FAT3: variants seen among roughly 807,000 people sequenced by gnomAD.
FAT3 encodes protocadherin Fat 3.
Under a neutral mutation model 310.2 loss-of-function variants are expected in FAT3, and 95 were observed. The observed-to-expected ratio is 0.31, with a 90% CI of 0.26 to 0.36. FAT3 has a LOEUF of 0.36. Among genes scored for constraint, FAT3 ranks in the 10% least tolerant of loss-of-function variants. The pLI is 1.00. For synonymous variants in FAT3, 2,314 were observed against 2,192.9 expected (o/e 1.06, Z -1.54); for missense variants, 5,408 against 5,715.6 (o/e 0.95, Z 1.74).
At chr11:92,580,409 T>A (rs1278598958) in intron 3 of FAT3, among the ~76,000 whole-genome samples, 1 of 152,040 alleles carries the variant, frequency 6.6e-6, no homozygotes, top group Non-Finnish European at 1.5e-5. Context: ...ATATTTAAGC[T>A]CCAATTCAGA....
At chr11:92,510,999 G>A (rs1462720971) in intron 2 of FAT3, among the ~76,000 whole-genome samples, 1 of 152,248 alleles carries the variant, frequency 6.6e-6, no homozygotes, top group Admixed American at 6.5e-5. Context: ...AGAGCGCCTT[G>A]CTGGCGCTTT....
chr11:92,785,988 A>G (rs1591729385), intron 7 of FAT3, among the ~76,000 whole-genome samples: 2 of 152,176 alleles, frequency 1.3e-5, no homozygotes, highest in East Asian at 3.8e-4. Flanking sequence ...AGATAAACCA[A>G]TGGAACAGAA....
At chr11:92,648,924 G>A (rs973945217) in intron 3 of FAT3, among the ~76,000 whole-genome samples, 5 of 152,156 alleles carry the variant, frequency 3.3e-5, no homozygotes, top group Non-Finnish European at 5.9e-5. Context: ...ACTTCCTCCA[G>A]AACTGAACAC....
At chr11:92,690,774 A>T (rs891259051) in intron 3 of FAT3, among the ~76,000 whole-genome samples, 3 of 152,204 alleles carry the variant, frequency 2.0e-5, no homozygotes, top group African/African-American at 7.2e-5. Flanking sequence ...CCTGATGTCC[A>T]TATGTAAATA....
chr11:92,774,157 G>A lies in FAT3; in HGVS notation c.4312G>A (p.Gly1438Arg). The A allele has an allele frequency of 6.2e-7, 1 of 1,611,906 alleles. No homozygotes were observed. Among genetic ancestry groups the A allele is most frequent in the South Asian group, 1.1e-5 (1 of 90,552 alleles). Residue 1438 changes from glycine to arginine, a missense_variant, in exon 7 of 28, where the codon GGG (glycine) becomes AGG (arginine). Transcript: ENST00000525166. ...IYNMSVEVTDGTNVAVTQVFI... is the reference protein window; with the variant it reads ...IYNMSVEVTDRTNVAVTQVFI... ...TAATATGAGTGTGGAAGTCACCGAT[G>A]GGACAAATGTTGCTGTTACTCAGGT...
Position 92,867,208 on chromosome 11 carries a change from G to A in FAT3, c.12126G>A (p.Gly4042=), listed in dbSNP as rs775132741. Residue 4042 remains glycine, a splice_region_variant and synonymous_variant, in exon 22 of 28, where the codon GGG becomes GGA. Transcript: ENST00000525166. ...HGGSCTGLPS[G]GYQCTCLSQF... ...GCAGCTGCACTGGCCTGCCATCGGG[G>A]GGTGAGTGTGGCTACGCAGTGGGCA... 2.6e-6 allele frequency: 4 copies of A among 1,565,410 alleles called. No homozygotes were observed. Among genetic ancestry groups the A allele is most frequent in the African/African-American group, 2.7e-5 (2 of 74,300 alleles).
intron 2 of FAT3, among the ~76,000 whole-genome samples, chr11:92,364,102 A>G (rs1948953061): frequency 6.6e-6 from 1 of 152,126 alleles, no homozygotes; most frequent in East Asian, 1.9e-4. Context: ...TAACTAGTAA[A>G]TGATAAAAAT....
intron 2 of FAT3, among the ~76,000 whole-genome samples, chr11:92,419,863 T>C (rs987451978): frequency 2.0e-5 from 3 of 152,200 alleles, no homozygotes; most frequent in Non-Finnish European, 2.9e-5. Flanking sequence ...AATCATAGCC[T>C]GTTGGCTCAT....
At chr11:92,360,777 C>A (rs147939409) in intron 2 of FAT3, among the ~76,000 whole-genome samples, 40 of 152,192 alleles carry the variant, frequency 2.6e-4, no homozygotes, top group Non-Finnish European at 4.9e-4. Flanking sequence ...GTGCCAGGCA[C>A]TGTGCAAGGT....
intron 2 of FAT3, among the ~76,000 whole-genome samples, chr11:92,452,105 A>C (rs1451406888): frequency 1.3e-5 from 2 of 152,176 alleles, no homozygotes; most frequent in African/African-American, 4.8e-5. Context: ...TGCTCTTAGA[A>C]ATTAACTGTT....
intron 13 of FAT3, among the ~76,000 whole-genome samples, chr11:92,813,704 C>T (rs957614616): frequency 2.6e-5 from 4 of 152,162 alleles, no homozygotes; most frequent in South Asian, 4.1e-4. Context: ...TATTTTTTCA[C>T]TCAGCATAAT....
At chr11:92,712,074 C>G (rs2135950189) in intron 4 of FAT3, among the ~76,000 whole-genome samples, 1 of 152,292 alleles carries the variant, frequency 6.6e-6, no homozygotes, top group South Asian at 2.1e-4. Flanking sequence ...GCATAGCTGT[C>G]TGCATTCTCT....
At chr11:92,649,872 T>TATATA (rs1942305244) in intron 3 of FAT3, among the ~76,000 whole-genome samples, 3 of 40,332 alleles carry the variant, frequency 7.4e-5, no homozygotes, top group African/African-American at 3.3e-4. Flanking sequence ...ACTTTGTATG[T>TATATA]TCATATATAT....
Position 92,780,163 on chromosome 11 carries a change from C to T in FAT3, c.4335+5983C>T, listed in dbSNP as rs7110864. ...TAAGTTTATGGTAACTTTTTTTTTTCTTTTTTTTTTTTTTCCAGGACAGGG... is the reference window on the plus strand; with the variant it reads ...TAAGTTTATGGTAACTTTTTTTTTTTTTTTTTTTTTTTTTCCAGGACAGGG... On this transcript the variant is annotated intron_variant, in intron 7 of 27. Transcript: ENST00000525166. 4.3e-3 allele frequency among the ~76,000 whole-genome samples: 576 copies of T among 134,692 alleles called. 2 individuals carry two copies. The highest frequency in any genetic ancestry group is 0.013 in the African/African-American group (468 of 36,254). 88.4% of individuals were successfully genotyped at this position (134,692 alleles called of 152,430 possible). A position where few individuals can be genotyped will look rare whatever the true frequency, so the allele number is the denominator to read the frequency against.
At chr11:92,494,303 C>T (rs1411437151) in intron 2 of FAT3, among the ~76,000 whole-genome samples, 5 of 151,886 alleles carry the variant, frequency 3.3e-5, no homozygotes, top group Admixed American at 2.0e-4. Flanking sequence ...AGAGCCAAAC[C>T]GTATCATGTG....
intron 4 of FAT3, among the ~76,000 whole-genome samples, chr11:92,724,610 G>A (rs1263080550): frequency 2.0e-5 from 3 of 152,106 alleles, no homozygotes; most frequent in Non-Finnish European, 2.9e-5. Context: ...TATCCCTTCC[G>A]TTTAAGTAAA....
chr11:92,720,696 G>A lies in FAT3; in HGVS notation c.3669+23251G>A, dbSNP rs563231853. Among the ~76,000 whole-genome samples the A allele has an allele frequency of 4.4e-4, 67 of 152,206 alleles. 1 individual carries two copies. The highest frequency in any genetic ancestry group is 1.5e-3 in the African/African-American group (64 of 41,540). Reference sequence around the variant, plus strand: ...CCTCATCCTTATTTCCAGATTTCATGCTGCAGTTTCTGTAATTTAACTCTT... The same window carrying A: ...CCTCATCCTTATTTCCAGATTTCATACTGCAGTTTCTGTAATTTAACTCTT... On this transcript the variant is annotated intron_variant, in intron 4 of 27. Coordinates refer to ENST00000525166, the MANE Select transcript of FAT3 (RefSeq NM_001367949.2).
At chr11:92,340,255 T>TA (rs1948212007) in intron 1 of FAT3, among the ~76,000 whole-genome samples, 1 of 152,124 alleles carries the variant, frequency 6.6e-6, no homozygotes, top group Non-Finnish European at 1.5e-5. Context: ...TGTGTAGGTT[T>TA]CAGCTAAGTG....
At chr11:92,749,628 CT>C (rs1945774810) in intron 4 of FAT3, among the ~76,000 whole-genome samples, 1 of 152,118 alleles carries the variant, frequency 6.6e-6, no homozygotes, top group Non-Finnish European at 1.5e-5. Context: ...ACATATGAGA[CT>C]ATGACGGAGG....
Sources: gnomAD v4.1 joint callset for allele counts (sites outside exome capture counted in the v4.1 genomes callset) on GRCh38, gnomAD v4.1.1 for gene constraint, MANE v1.5 for transcripts, NCBI Gene and HGNC (gene_info 2026-07-23, HGNC 2026-07-21) for gene names.